Variants in C8orf34 observed in about 807,000 individuals in gnomAD.
C8orf34 encodes chromosome 8 open reading frame 34.
Under a neutral mutation model 68.3 loss-of-function variants are expected in C8orf34, and 65 were observed. That is an observed-to-expected ratio of 0.95 (90% CI 0.78 to 1.17). C8orf34 has a LOEUF of 1.17. Ranked by LOEUF, C8orf34 falls within the 50% of genes most tolerant of loss-of-function variation. C8orf34 has a pLI of 0.00. For missense variants in C8orf34, 664 were observed against 655.4 expected, an observed-to-expected ratio of 1.01 and a Z score of -0.14; for synonymous variants, 244 against 241.2, an observed-to-expected ratio of 1.01 and a Z score of -0.11.
intron 8 of C8orf34, among the ~76,000 whole-genome samples, chr8:68,687,476 G>C (rs891628354): frequency 6.6e-6 from 1 of 151,936 alleles, no homozygotes; most frequent in African/African-American, 2.4e-5. Context: ...AAAGCCAACT[G>C]ATCTTTGACA....
At chr8:68,639,221 C>T (rs1234445837) in intron 7 of C8orf34, among the ~76,000 whole-genome samples, 2 of 151,668 alleles carry the variant, frequency 1.3e-5, no homozygotes, top group Non-Finnish European at 2.9e-5. Context: ...GTAACCAGGT[C>T]AAGGTGATAA....
intron 7 of C8orf34, among the ~76,000 whole-genome samples, chr8:68,550,067 A>G (rs914134721): frequency 5.3e-5 from 8 of 151,812 alleles, no homozygotes; most frequent in African/African-American, 1.9e-4. Context: ...AAGCATATTT[A>G]AACCATTAAC....
intron 7 of C8orf34, among the ~76,000 whole-genome samples, chr8:68,601,757 T>C (rs1817705448): frequency 1.3e-5 from 2 of 152,084 alleles, no homozygotes; most frequent in Admixed American, 1.3e-4. Flanking sequence ...TCTTTTCTCA[T>C]TCAAGTTGTG....
intron 8 of C8orf34, among the ~76,000 whole-genome samples, chr8:68,691,973 T>C (rs1406584043): frequency 1.3e-5 from 2 of 152,042 alleles, no homozygotes; most frequent in African/African-American, 4.8e-5. Context: ...GGGGAGACTC[T>C]TTCTGTGAGT....
intron 7 of C8orf34, among the ~76,000 whole-genome samples, chr8:68,610,556 A>G (rs1354409258): frequency 6.6e-6 from 1 of 152,180 alleles, no homozygotes; most frequent in Non-Finnish European, 1.5e-5. Context: ...AAACTTTCAT[A>G]AATTCTTGGC....
intron 7 of C8orf34, among the ~76,000 whole-genome samples, chr8:68,548,152 A>G (rs1815948687): frequency 6.6e-6 from 1 of 151,742 alleles, no homozygotes; most frequent in Admixed American, 6.6e-5. Flanking sequence ...TAGAAATAAC[A>G]AAAATCACTA....
intron 7 of C8orf34, among the ~76,000 whole-genome samples, chr8:68,551,327 T>C (rs941031745): frequency 7.9e-5 from 12 of 152,022 alleles, no homozygotes; most frequent in African/African-American, 2.9e-4. Context: ...TCATTTTTCT[T>C]ACCATGTTTT....
In C8orf34 at chr8:68,679,824, A is replaced by AG. The variant is rs572590224; in HGVS notation, c.1242-29166dup. ...CAACAAAGGTGCCAAGAACATGCACAGGGGAAAGAACAATCTTTTCAATAA... is the reference window on the plus strand; with the variant it reads ...CAACAAAGGTGCCAAGAACATGCACAGGGGGAAAGAACAATCTTTTCAATAA... On this transcript the variant is annotated intron_variant, in intron 8 of 13. Coordinates refer to ENST00000518698, the MANE Select transcript of C8orf34 (RefSeq NM_052958.4). Among the ~76,000 whole-genome samples, 20 of 152,288 alleles carry AG rather than the reference A, an allele frequency of 1.3e-4. No homozygotes were observed. In the South Asian group the frequency reaches 4.1e-3, roughly 32 times the overall value.
intron 1 of C8orf34, among the ~76,000 whole-genome samples, chr8:68,340,903 C>T (rs567943818): frequency 2.0e-5 from 3 of 151,982 alleles, no homozygotes; most frequent in African/African-American, 7.2e-5. Flanking sequence ...AAAACCTTAA[C>T]AAAATTAACA....
intron 3 of C8orf34, 48 bp downstream of exon 3, chr8:68,446,508 G>A: frequency 3.9e-6 from 6 of 1,557,388 alleles, no homozygotes; most frequent in Non-Finnish European, 5.2e-6. Flanking sequence ...GTAAGTTTAT[G>A]TTGTTAAGAA....
chr8:68,633,124 A>G (rs1040416962), intron 7 of C8orf34, among the ~76,000 whole-genome samples: 8 of 152,248 alleles, frequency 5.3e-5, no homozygotes, highest in African/African-American at 1.9e-4. Flanking sequence ...AGTTGCTGCT[A>G]GAGGAAAATG....
intron 7 of C8orf34, among the ~76,000 whole-genome samples, chr8:68,546,358 A>G (rs977057658): frequency 3.3e-5 from 5 of 152,042 alleles, no homozygotes; most frequent in Non-Finnish European, 7.4e-5. Context: ...CAAAGTATAA[A>G]GTTAGCAAAA....
At chr8:68,746,837 C>A (rs1044505408) in intron 10 of C8orf34, among the ~76,000 whole-genome samples, 6 of 151,956 alleles carry the variant, frequency 3.9e-5, no homozygotes, top group African/African-American at 1.4e-4. Flanking sequence ...CCTTCTGAAA[C>A]TATTCCAATC....
chr8:68,403,733 A>G (rs532417588), intron 1 of C8orf34, among the ~76,000 whole-genome samples: 2 of 152,288 alleles, frequency 1.3e-5, no homozygotes, highest in Non-Finnish European at 2.9e-5. Context: ...TTATGGCTGC[A>G]TAGTATTCCA....
chr8:68,382,213 A>G (rs1004114070), intron 1 of C8orf34, among the ~76,000 whole-genome samples: 30 of 152,178 alleles, frequency 2.0e-4, no homozygotes, highest in African/African-American at 6.5e-4. Context: ...ATTACTTCCT[A>G]GTAATTCTTG....
At chr8:68,716,247 C>G (rs1419223157) in intron 9 of C8orf34, among the ~76,000 whole-genome samples, 2 of 151,982 alleles carry the variant, frequency 1.3e-5, no homozygotes, top group Admixed American at 6.6e-5. Context: ...ACCAAAATCT[C>G]AGAAATCACC....
intron 7 of C8orf34, among the ~76,000 whole-genome samples, chr8:68,571,635 C>A (rs1180725066): frequency 6.6e-6 from 1 of 152,080 alleles, no homozygotes; most frequent in African/African-American, 2.4e-5. Flanking sequence ...TTTTGGTGTG[C>A]AAGCTTATAT....
upstream of C8orf34, chr8:68,330,828 G>C: frequency 1.9e-6 from 1 of 518,376 alleles, no homozygotes; most frequent in Non-Finnish European, 3.3e-6. Flanking sequence ...CACACACACC[G>C]GTGGCGAGTT....
At chr8:68,380,288 G>T (rs1807977716) in intron 1 of C8orf34, among the ~76,000 whole-genome samples, 1 of 152,180 alleles carries the variant, frequency 6.6e-6, no homozygotes, top group Non-Finnish European at 1.5e-5. Context: ...AAAAGAAATG[G>T]TAGCTCCATT....
Sources: gnomAD v4.1 joint callset for allele counts (sites outside exome capture counted in the v4.1 genomes callset) on GRCh38, gnomAD v4.1.1 for gene constraint, MANE v1.5 for transcripts, NCBI Gene and HGNC (gene_info 2026-07-23, HGNC 2026-07-21) for gene names.